The following ANKRD29 variants were observed in gnomAD, a reference collection of about 807,000 sequenced individuals.
ANKRD29 encodes ankyrin repeat domain 29, also known as ankyrin repeat domain-containing protein 29.
A neutral mutation model predicts 38.0 loss-of-function variants in ANKRD29; 32 were observed. The ratio of observed to expected loss-of-function variants is 0.84; its 90% CI spans 0.64 to 1.13. The LOEUF (loss-of-function observed/expected upper bound fraction) is 1.13. Among genes scored for constraint, ANKRD29 ranks in the 50% most tolerant of loss-of-function variants. The pLI is 0.00. For synonymous variants in ANKRD29, 135 were observed against 152.4 expected, an observed-to-expected ratio of 0.89 and a Z score of 0.84; for missense variants, 357 against 377.9, an observed-to-expected ratio of 0.94 and a Z score of 0.46.
chr18:23,617,635 C>G, intron 8 of ANKRD29, 97 bp downstream of exon 8: 1 of 883,556 alleles, frequency 1.1e-6, no homozygotes, highest in Non-Finnish European at 1.8e-6. Flanking sequence ...TCCAACTAAC[C>G]AGGCTAACTG....
Position 23,612,105 on chromosome 18 carries a change from G to C in ANKRD29, c.809C>G (p.Ser270Cys), listed in dbSNP as rs76082843. ...ALLLEAGADP[S>C]LRNKANELPA... ...CTTAGTGGGTACCTTGTTTCTCAGG[G>C]ATGGGTCTGCCCCTGCTTCTAGGAG... is the stretch of plus-strand genomic sequence containing the variant. The change falls in exon 9 of 10, where the codon TCC becomes TGC. Residue 270 changes from serine (S) to cysteine (C), a missense_variant. Ser to Cys is a moderately radical substitution (Grantham distance 112). Coordinates refer to ENST00000592179, the MANE Select transcript of ANKRD29 (RefSeq NM_173505.4). The C allele has an allele frequency of 4.4e-5, 71 of 1,613,452 alleles. No homozygotes were observed. The highest frequency in any genetic ancestry group is 5.8e-5 in the Non-Finnish European group (68 of 1,179,970).
intron 1 of ANKRD29, among the ~76,000 whole-genome samples, chr18:23,656,023 G>A (rs1324405908): frequency 6.7e-6 from 1 of 149,408 alleles, no homozygotes; most frequent in Non-Finnish European, 1.5e-5. Context: ...AACCCGGGAG[G>A]CGGAGCTTGC....
At position 23,662,817 on chromosome 18, in the gene ANKRD29, G is replaced by A; in HGVS notation, c.-87C>T. The A allele has an allele frequency of 8.3e-7, 1 of 1,203,112 alleles. No homozygotes were observed. The highest frequency in any genetic ancestry group is 1.0e-6 in the Non-Finnish European group (1 of 962,394). The allele number at this position is 1,203,112 out of a possible 1,614,324, so 74.5% of individuals were successfully genotyped here. A position where few individuals can be genotyped will look rare whatever the true frequency, so the allele number is the denominator to read the frequency against. ...GCCCTTCACTCTCCCGGGGCTCTCG[G>A]CGTTCCGCAGAGGGGCGGCCTCCGA... On this transcript the variant is annotated 5_prime_UTR_variant, in exon 1 of 10. Transcript: ENST00000592179.
At chr18:23,643,059 T>A (rs2060097996) in intron 3 of ANKRD29, among the ~76,000 whole-genome samples, 1 of 152,192 alleles carries the variant, frequency 6.6e-6, no homozygotes, top group Non-Finnish European at 1.5e-5. Context: ...ACTTCCTCTT[T>A]GCTATCTGAC....
At chr18:23,641,369 TC>T (rs2060073929) in intron 3 of ANKRD29, among the ~76,000 whole-genome samples, 1 of 152,208 alleles carries the variant, frequency 6.6e-6, no homozygotes, top group Non-Finnish European at 1.5e-5. Context: ...CTGCTCCTGC[TC>T]CCTGGCCTCT....
At chr18:23,655,864 C>T (rs1378657416) in intron 1 of ANKRD29, among the ~76,000 whole-genome samples, 6 of 149,426 alleles carry the variant, frequency 4.0e-5, no homozygotes, top group Admixed American at 1.3e-4. Context: ...GAGGCCGAGG[C>T]GGGCGGATCA....
At chr18:23,616,978 G>C (rs2059731452) in intron 8 of ANKRD29, among the ~76,000 whole-genome samples, 1 of 151,946 alleles carries the variant, frequency 6.6e-6, no homozygotes, top group Non-Finnish European at 1.5e-5. Flanking sequence ...CAGCACTTTG[G>C]GAGGCTGAGG....
intron 3 of ANKRD29, 74 bp downstream of exon 3, chr18:23,646,115 T>C: frequency 7.3e-7 from 1 of 1,366,654 alleles, no homozygotes; most frequent in South Asian, 1.2e-5. Flanking sequence ...TTGTCCCCCA[T>C]ACCAGTTCAC....
intron 4 of ANKRD29, among the ~76,000 whole-genome samples, chr18:23,636,033 T>G (rs1374517898): frequency 5.9e-5 from 9 of 152,172 alleles, no homozygotes; most frequent in Non-Finnish European, 5.9e-5. Flanking sequence ...CTAAGCTTTA[T>G]CCTGTCAATT....
At chr18:23,660,123 A>T (rs573963827) in intron 1 of ANKRD29, among the ~76,000 whole-genome samples, 88 of 152,306 alleles carry the variant, frequency 5.8e-4, no homozygotes, top group Middle Eastern at 3.4e-3. Context: ...AAAAATAAAT[A>T]AAATAAATAA....
intron 1 of ANKRD29, among the ~76,000 whole-genome samples, chr18:23,662,437 C>A (rs2060376174): frequency 6.6e-6 from 1 of 152,200 alleles, no homozygotes; most frequent in African/African-American, 2.4e-5. Context: ...CAGTCCCCGC[C>A]GCCCCGTCGC....
At chr18:23,645,232 T>C (rs2060123514) in intron 3 of ANKRD29, among the ~76,000 whole-genome samples, 1 of 152,156 alleles carries the variant, frequency 6.6e-6, no homozygotes. Flanking sequence ...AAGATTAGTT[T>C]ACCAGGTCCT....
intron 3 of ANKRD29, among the ~76,000 whole-genome samples, chr18:23,644,165 G>T (rs1330461671): frequency 6.6e-6 from 1 of 152,208 alleles, no homozygotes; most frequent in Non-Finnish European, 1.5e-5. Context: ...TTGAGCAATT[G>T]GAACCAAATG....
At chr18:23,642,779 GCA>G (rs2060094302) in intron 3 of ANKRD29, among the ~76,000 whole-genome samples, 1 of 152,320 alleles carries the variant, frequency 6.6e-6, no homozygotes, top group South Asian at 2.1e-4. Flanking sequence ...GGCCCTGCAT[GCA>G]CAGTTAGACT....
At chr18:23,630,245 C>A (rs1374457106) in intron 5 of ANKRD29, among the ~76,000 whole-genome samples, 2 of 152,078 alleles carry the variant, frequency 1.3e-5, no homozygotes, top group African/African-American at 2.4e-5. Context: ...GCCAACAGGG[C>A]GATACCCCAT....
chr18:23,649,002 G>A lies in ANKRD29; in HGVS notation c.132+81C>T, dbSNP rs192391968. 5.0e-4 allele frequency: 562 copies of A among 1,115,078 alleles called. 4 individuals carry two copies. In the African/African-American group the frequency reaches 7.8e-3, roughly 16 times the overall value. 69.1% of individuals were successfully genotyped at this position (1,115,078 alleles called of 1,614,324 possible). Reference sequence around the variant, plus strand: ...TGAAAAAGTAAATAAGCATTGTAAAGGGGAATGTATTCCTGAGGTGCTCCT... The same window carrying A: ...TGAAAAAGTAAATAAGCATTGTAAAAGGGAATGTATTCCTGAGGTGCTCCT... On this transcript the variant is annotated intron_variant, in intron 2 of 9. Transcript: ENST00000592179.
intron 9 of ANKRD29, among the ~76,000 whole-genome samples, chr18:23,607,245 C>T (rs560391119): frequency 6.6e-6 from 1 of 152,322 alleles, no homozygotes; most frequent in South Asian, 2.1e-4. Flanking sequence ...CTACTACAGA[C>T]CAGAGGCTCC....
intron 8 of ANKRD29, among the ~76,000 whole-genome samples, 160 bp from the exon 9 acceptor site, chr18:23,612,350 T>C (rs567113021): frequency 9.8e-5 from 15 of 152,352 alleles, no homozygotes; most frequent in African/African-American, 3.6e-4. Flanking sequence ...GCCCCTAGTA[T>C]AGTGTCCTTG....
intron 5 of ANKRD29, 89 bp from the exon 6 acceptor site, chr18:23,630,040 G>T: frequency 9.3e-7 from 1 of 1,077,334 alleles, no homozygotes; most frequent in Non-Finnish European, 1.4e-6. Context: ...GCTCATGCCT[G>T]TAATCACAGC....
Sources: allele counts gnomAD v4.1 joint callset (sites outside exome capture counted in the v4.1 genomes callset), GRCh38; gene constraint gnomAD v4.1.1; transcripts MANE v1.5; gene names NCBI Gene and HGNC (gene_info 2026-07-23, HGNC 2026-07-21).